TSC22D1: variants seen among roughly 807,000 people sequenced by gnomAD.
The protein encoded by TSC22D1 is TSC22 domain family protein 1.
In TSC22D1, 9 loss-of-function variants were observed where a neutral mutation model predicts 74.2. The observed-to-expected ratio is 0.12, with a 90% CI of 0.07 to 0.21. The LOEUF (loss-of-function observed/expected upper bound fraction) is 0.21. Ranked by LOEUF, TSC22D1 falls within the 10% of genes least tolerant of loss-of-function variation. The pLI is 1.00. For missense variants in TSC22D1, 1,427 were observed against 1,304.7 expected (o/e 1.09, Z -1.44); for synonymous variants, 586 against 492.5 (o/e 1.19, Z -2.51).
At chr13:44,492,684 G>T (rs987415364) in intron 1 of TSC22D1, among the ~76,000 whole-genome samples, 2 of 152,106 alleles carry the variant, frequency 1.3e-5, no homozygotes, top group Non-Finnish European at 2.9e-5. Flanking sequence ...CTTATCTCTG[G>T]AGGAATGGTG....
At chr13:44,566,877 C>G (rs559984101) in intron 1 of TSC22D1, among the ~76,000 whole-genome samples, 10 of 152,088 alleles carry the variant, frequency 6.6e-5, no homozygotes, top group Non-Finnish European at 1.2e-4. Context: ...ACTGCAAAAT[C>G]CCCAAAAGAC....
intron 1 of TSC22D1, among the ~76,000 whole-genome samples, chr13:44,567,502 A>AG (rs767010790): frequency 3.3e-4 from 50 of 150,172 alleles, no homozygotes; most frequent in Non-Finnish European, 6.6e-4. Context: ...CCACATAGAA[A>AG]GAAAAAAAAA....
In TSC22D1 at chr13:44,574,899, C is replaced by T. The variant is rs564060198; in HGVS notation, c.1176G>A (p.Ser392=). The part of the protein sequence containing the change: ...PNAAAGMTGG[S]VSSQQQQPTV... ...TTGGTTGTTGCTGCTGACTTGAAAC[C>T]GATCCCCCAGTCATCCCTGCAGCTG... The change falls in exon 1 of 3, where the codon TCG becomes TCA. Residue 392 remains serine (S), a synonymous_variant. Transcript: ENST00000458659. 1.1e-5 allele frequency: 18 copies of T among 1,614,082 alleles called. No individual in the cohort carries two copies. The highest frequency in any genetic ancestry group is 6.7e-5 in the Admixed American group (4 of 60,022).
intron 1 of TSC22D1, among the ~76,000 whole-genome samples, chr13:44,476,645 A>T (rs1877927330): frequency 6.6e-6 from 1 of 152,210 alleles, no homozygotes; most frequent in Non-Finnish European, 1.5e-5. Flanking sequence ...GTTAGTAATT[A>T]CAATCTACAT....
intron 1 of TSC22D1, among the ~76,000 whole-genome samples, chr13:44,486,418 A>C (rs1203050662): frequency 2.0e-5 from 3 of 152,198 alleles, no homozygotes; most frequent in Non-Finnish European, 4.4e-5. Context: ...GTGACATAAC[A>C]GGCTTCAATG....
In TSC22D1 at chr13:44,477,906, G is replaced by A. The variant is rs568025653; in HGVS notation, c.2913-41811C>T. ...TCTGCCCGCCTCAGCCTCCCAAAGTGCTGGGATTACAGGCGTGAGCCACTG... is the reference window on the plus strand; with the variant it reads ...TCTGCCCGCCTCAGCCTCCCAAAGTACTGGGATTACAGGCGTGAGCCACTG... On this transcript the variant is annotated intron_variant, in intron 1 of 2. Transcript: ENST00000458659. 3.3e-5 allele frequency among the ~76,000 whole-genome samples: 5 copies of A among 152,212 alleles called. No homozygotes were observed. The East Asian group carries it at 9.7e-4, about 29-fold the overall frequency.
At chr13:44,511,155 C>CACCTGTAATCCCAGCTAA (rs955286426) in intron 1 of TSC22D1, among the ~76,000 whole-genome samples, 1 of 151,932 alleles carries the variant, frequency 6.6e-6, no homozygotes, top group African/African-American at 2.4e-5. Flanking sequence ...TGGTGGTGCG[C>CACCTGTAATCCCAGCTAA]ACCTGTAATC....
chr13:44,462,052 A>G (rs1393531031), intron 1 of TSC22D1, among the ~76,000 whole-genome samples: 1 of 152,172 alleles, frequency 6.6e-6, no homozygotes, highest in Non-Finnish European at 1.5e-5. Context: ...CTGGAGGGAG[A>G]GGGGAGATAA....
chr13:44,558,948 T>C (rs149944678), intron 1 of TSC22D1, among the ~76,000 whole-genome samples: 31 of 152,276 alleles, frequency 2.0e-4, no homozygotes, highest in African/African-American at 7.2e-4. Flanking sequence ...ATAGGTAAAA[T>C]TCCTAATAAT....
chr13:44,539,274 T>C (rs1031371538), intron 1 of TSC22D1: 8 of 985,276 alleles, frequency 8.1e-6, no homozygotes, highest in Non-Finnish European at 9.6e-6. Context: ...GTACTATCAT[T>C]GCATCTTTTA....
intron 1 of TSC22D1, among the ~76,000 whole-genome samples, chr13:44,518,699 C>G (rs1880167388): frequency 6.6e-6 from 1 of 152,148 alleles, no homozygotes; most frequent in Non-Finnish European, 1.5e-5. Context: ...GGTTTTTTAT[C>G]TTAAAAGGAA....
intron 1 of TSC22D1, among the ~76,000 whole-genome samples, chr13:44,555,306 A>C (rs7989648): frequency 0.01 from 1,527 of 152,200 alleles, 26 homozygotes; most frequent in African/African-American, 0.035. Context: ...ACAACAACAA[A>C]AGACTAATAA....
At chr13:44,452,293 C>T (rs375194230) in intron 1 of TSC22D1, among the ~76,000 whole-genome samples, 4 of 152,250 alleles carry the variant, frequency 2.6e-5, no homozygotes, top group African/African-American at 9.6e-5. Flanking sequence ...AGGAAACTGC[C>T]GCACACTCAT....
At chr13:44,569,158 C>T (rs911083550) in intron 1 of TSC22D1, among the ~76,000 whole-genome samples, 15 of 151,880 alleles carry the variant, frequency 9.9e-5, no homozygotes, top group African/African-American at 2.9e-4. Flanking sequence ...TTATATCAAC[C>T]CAATGAGGTA....
In TSC22D1 at chr13:44,573,545, T is replaced by C; in HGVS notation, c.2530A>G (p.Met844Val). Reference protein sequence around the residue: ...SQVSSTGPSGMPSAPTNLVPP... With the variant: ...SQVSSTGPSGVPSAPTNLVPP... ...ACCAAGTTTGTTGGGGCAGAAGGCA[T>C]TCCAGAAGGACCAGTTGAACTAACC... Residue 844 changes from methionine (M) to valine (V), a missense_variant, in exon 1 of 3, where the codon ATG becomes GTG. By Grantham distance (21) the Met-to-Val change is conservative (BLOSUM62 1). This residue lies in a region of TSC22D1 where 1,343 missense variants were observed against 1,191.5 expected (regional missense o/e 1.13). Coordinates refer to ENST00000458659, the MANE Select transcript of TSC22D1 (RefSeq NM_183422.4). The C allele has an allele frequency of 6.2e-7, 1 of 1,614,238 alleles. No individual in the cohort carries two copies.
chr13:44,549,609 C>CA (rs1375481420), intron 1 of TSC22D1, among the ~76,000 whole-genome samples: 1 of 151,534 alleles, frequency 6.6e-6, no homozygotes, highest in East Asian at 1.9e-4. Flanking sequence ...CCTATCTCTA[C>CA]AAAAAATTAG....
At chr13:44,476,611 A>AT (rs1466371982) in intron 1 of TSC22D1, among the ~76,000 whole-genome samples, 1 of 152,224 alleles carries the variant, frequency 6.6e-6, no homozygotes, top group East Asian at 1.9e-4. Context: ...TCAAAGGGAA[A>AT]TTTTATGATG....
intron 1 of TSC22D1, among the ~76,000 whole-genome samples, chr13:44,552,331 C>T (rs971725537): frequency 6.6e-6 from 1 of 152,192 alleles, no homozygotes; most frequent in African/African-American, 2.4e-5. Context: ...CGAACACCAT[C>T]AAGGGTTAAC....
At chr13:44,544,908 T>C (rs1881721651) in intron 1 of TSC22D1, among the ~76,000 whole-genome samples, 1 of 152,128 alleles carries the variant, frequency 6.6e-6, no homozygotes, top group African/African-American at 2.4e-5. Context: ...CAATCTACAA[T>C]ATATATATTT....
Sources: allele counts gnomAD v4.1 joint callset (sites outside exome capture counted in the v4.1 genomes callset), GRCh38; gene constraint gnomAD v4.1.1; regional missense constraint gnomAD v4.1.1; transcripts MANE v1.5; gene names NCBI Gene and HGNC (gene_info 2026-07-23, HGNC 2026-07-21).